PNPLA8: variants seen among roughly 807,000 people sequenced by gnomAD.
The protein encoded by PNPLA8 is calcium-independent phospholipase A2-gamma.
In PNPLA8, 39 loss-of-function variants were observed where a neutral mutation model predicts 76.9. That is an observed-to-expected ratio of 0.51 (90% CI 0.39 to 0.66). The LOEUF (loss-of-function observed/expected upper bound fraction) is 0.66. Ranked by LOEUF, PNPLA8 falls within the 30% of genes least tolerant of loss-of-function variation. The pLI is 0.00. For missense variants in PNPLA8, 887 were observed against 918.0 expected (o/e 0.97, Z 0.44); for synonymous variants, 301 against 307.9 (o/e 0.98, Z 0.24).
In PNPLA8 at chr7:108,479,395, TA is replaced by T. The variant is rs752968537; in HGVS notation, c.1879-17del. 6.4e-7 allele frequency: 1 copy of T among 1,574,542 alleles called. No homozygotes were observed. The highest frequency in any genetic ancestry group is 1.2e-5 in the South Asian group (1 of 86,786). On this transcript the variant is annotated splice_polypyrimidine_tract_variant and intron_variant, in intron 9 of 10. Coordinates refer to ENST00000257694, the MANE Select transcript of PNPLA8 (RefSeq NM_001256007.3). ...AACCTCCATCCTGCAAAATACAAGTTAAAAAAAGAAACTTTTAAAACTGACT... is the reference window on the plus strand; with the variant it reads ...AACCTCCATCCTGCAAAATACAAGTTAAAAAAGAAACTTTTAAAACTGACT...
intron 4 of PNPLA8, among the ~76,000 whole-genome samples, chr7:108,505,335 TATATATATATATATATA>T (rs1234778115): frequency 0.015 from 146 of 9,816 alleles, 8 homozygotes; most frequent in African/African-American, 0.022. Flanking sequence ...TATATATATA[TATATATATATATATATA>T]TTTTTTTTTT....
At chr7:108,524,697 T>C (rs1031651733) in intron 1 of PNPLA8, among the ~76,000 whole-genome samples, 8 of 151,992 alleles carry the variant, frequency 5.3e-5, no homozygotes, top group Non-Finnish European at 1.0e-4. Flanking sequence ...CGCACGCCTG[T>C]AAATCCCAGC....
In PNPLA8 at chr7:108,470,431, G is replaced by C. The variant is rs1187304455; in HGVS notation, c.*1970C>G. On this transcript the variant is annotated 3_prime_UTR_variant, in exon 11 of 11. Transcript: ENST00000257694. The stretch of plus-strand genomic sequence containing the variant: ...GAAGCCATGGCCAGAGTTCACTTGT[G>C]TAATGTATTATTTAAGAAAGAAATA... 2 of 147,874 alleles carry C rather than the reference G, an allele frequency of 1.4e-5. No individual in the cohort carries two copies. The highest frequency in any genetic ancestry group is 3.0e-5 in the Non-Finnish European group (2 of 66,900). The allele number at this position is 147,874 out of a possible 1,614,324, so 9.2% of individuals were successfully genotyped here. A position where few individuals can be genotyped will look rare whatever the true frequency, so the allele number is the denominator to read the frequency against.
At chr7:108,483,173 T>C (rs553094712) in intron 9 of PNPLA8, among the ~76,000 whole-genome samples, 17 of 152,316 alleles carry the variant, frequency 1.1e-4, no homozygotes, top group Middle Eastern at 6.8e-3. Context: ...TATTAATATA[T>C]AGAAATGTTC....
At chr7:108,507,036 T>C (rs1005725391) in intron 4 of PNPLA8, among the ~76,000 whole-genome samples, 5 of 151,772 alleles carry the variant, frequency 3.3e-5, no homozygotes, top group African/African-American at 1.2e-4. Flanking sequence ...GGGGAGAAAA[T>C]AGATCATAGA....
chr7:108,479,235 T>C lies in PNPLA8; in HGVS notation c.2023A>G (p.Ser675Gly), dbSNP rs1419378393. 9.9e-6 allele frequency: 16 copies of C among 1,613,690 alleles called. No individual in the cohort carries two copies. The highest frequency in any genetic ancestry group is 1.4e-5 in the Non-Finnish European group (16 of 1,179,588). Reference protein sequence around the residue: ...SDVRNTVTYTSLKTKLSNVIN... With the variant: ...SDVRNTVTYTGLKTKLSNVIN... Reference sequence around the variant, plus strand: ...ACATTAGAAAGTTTAGTTTTCAAGCTTGTGTATGTTACCGTGTTTCTCACA... The same window carrying C: ...ACATTAGAAAGTTTAGTTTTCAAGCCTGTGTATGTTACCGTGTTTCTCACA... Residue 675 changes from serine to glycine, a missense_variant, in exon 10 of 11, where the codon AGC (serine) becomes GGC (glycine). Physicochemically the swap from Ser to Gly is moderately conservative, Grantham distance 56 (BLOSUM62 0). Transcript: ENST00000257694.
intron 9 of PNPLA8, among the ~76,000 whole-genome samples, chr7:108,481,842 T>C (rs939225601): frequency 1.3e-5 from 2 of 152,206 alleles, no homozygotes; most frequent in Non-Finnish European, 2.9e-5. Flanking sequence ...TATCTTTGTA[T>C]AATGTGTGAG....
rs1301401760 is a variant in PNPLA8 at position 108,491,419 on chromosome 7, T to C, written c.1674A>G (p.Thr558=). The C allele has an allele frequency of 6.2e-7, 1 of 1,600,412 alleles. No individual in the cohort carries two copies. The highest frequency in any genetic ancestry group is 1.3e-5 in the African/African-American group (1 of 74,692). Residue 558 remains threonine (T), a synonymous_variant, in exon 8 of 11, where the codon ACA becomes ACG. Transcript: ENST00000257694. The part of the protein sequence containing the change: ...ALMIETARNP[T]CPKVAAVSTI... ...GAGACTCTAAGCTTACCTTAGGACA[T>C]GTGGGGTTTCTTGCTGTTTCAATCA...
intron 2 of PNPLA8, 24 bp from the exon 3 acceptor site, chr7:108,515,598 A>G: frequency 2.4e-6 from 3 of 1,247,932 alleles, no homozygotes; most frequent in Non-Finnish European, 3.0e-6. Flanking sequence ...AAAAAAAATT[A>G]GAATTCAAGT....
chr7:108,510,271 G>C (rs1862812307), intron 4 of PNPLA8: 1 of 1,575,478 alleles, frequency 6.3e-7, no homozygotes, highest in East Asian at 2.2e-5. Flanking sequence ...TTCCTGCTGT[G>C]CCAGAAACCC....
intron 10 of PNPLA8, among the ~76,000 whole-genome samples, chr7:108,477,088 A>G (rs989660522): frequency 6.6e-6 from 1 of 152,226 alleles, no homozygotes; most frequent in Non-Finnish European, 1.5e-5. Flanking sequence ...ATAACAATGT[A>G]TTAAGTTTTG....
intron 6 of PNPLA8, among the ~76,000 whole-genome samples, 180 bp from the exon 7 acceptor site, chr7:108,496,935 A>G (rs1417648733): frequency 2.0e-5 from 3 of 152,200 alleles, no homozygotes; most frequent in African/African-American, 7.2e-5. Flanking sequence ...GGGAGTAATA[A>G]GAACAACCAA....
At chr7:108,501,308 A>G (rs1405607638) in intron 5 of PNPLA8, among the ~76,000 whole-genome samples, 1 of 152,244 alleles carries the variant, frequency 6.6e-6, no homozygotes, top group African/African-American at 2.4e-5. Flanking sequence ...CTAGATAAAC[A>G]AAGACTGAGT....
At position 108,516,018 on chromosome 7, in the gene PNPLA8, A is replaced by G. The variant is rs535818239; in HGVS notation, c.-83-444T>C. The stretch of plus-strand genomic sequence containing the variant: ...TTATAGAATACTTAATCTATACCAG[A>G]CATGGTGCTAGATGCTGAAGCCACA... On this transcript the variant is annotated intron_variant, in intron 2 of 10. Transcript: ENST00000257694. Among the ~76,000 whole-genome samples, 103 of 152,338 alleles carry G rather than the reference A, an allele frequency of 6.8e-4. No individual in the cohort carries two copies. In the Middle Eastern group the frequency reaches 0.017, roughly 25 times the overall value.
At chr7:108,496,787 G>A in intron 6 of PNPLA8, 32 bp from the exon 7 acceptor site, 1 of 1,534,030 alleles carries the variant, frequency 6.5e-7, no homozygotes, top group Non-Finnish European at 8.9e-7. Context: ...TTTTATCAGT[G>A]TTAAGTTATA....
intron 4 of PNPLA8, among the ~76,000 whole-genome samples, chr7:108,511,740 A>T (rs1862948955): frequency 6.6e-6 from 1 of 152,192 alleles, no homozygotes; most frequent in African/African-American, 2.4e-5. Flanking sequence ...CAGTTACATA[A>T]ATAACATTTT....
intron 2 of PNPLA8, among the ~76,000 whole-genome samples, chr7:108,516,518 TTAGA>T (rs1563987075): frequency 6.6e-6 from 1 of 152,130 alleles, no homozygotes; most frequent in Non-Finnish European, 1.5e-5. Flanking sequence ...AGGAGAAAAC[TTAGA>T]TGACCTTAGG....
chr7:108,487,364 T>G (rs1860809109), intron 9 of PNPLA8, among the ~76,000 whole-genome samples: 1 of 152,252 alleles, frequency 6.6e-6, no homozygotes, highest in South Asian at 2.1e-4. Context: ...TATTTACTAT[T>G]ATTTTACTGT....
At position 108,479,336 on chromosome 7, in the gene PNPLA8, T is replaced by A. The variant is rs770292426; in HGVS notation, c.1922A>T (p.His641Leu). The A allele has an allele frequency of 1.9e-6, 3 of 1,613,808 alleles. No individual in the cohort carries two copies. Among genetic ancestry groups the A allele is most frequent in the Non-Finnish European group, 2.5e-6 (3 of 1,179,744 alleles). Residue 641 changes from histidine to leucine, a missense_variant, in exon 10 of 11, where the codon CAT becomes CTT. Physicochemically the swap from His to Leu is moderately conservative, Grantham distance 99. Transcript: ENST00000257694. The stretch of plus-strand genomic sequence containing the variant: ...ATCTGGCCAAAGACATTTACACTCA[T>A]GCATAGCTAATGCCGAAGGGTTATT... ...LLNNPSALAM[H>L]ECKCLWPDVP...
Sources: allele counts gnomAD v4.1 joint callset (sites outside exome capture counted in the v4.1 genomes callset), GRCh38; gene constraint gnomAD v4.1.1; transcripts MANE v1.5; gene names NCBI Gene and HGNC (gene_info 2026-07-23, HGNC 2026-07-21).